IK: variants seen among roughly 807,000 people sequenced by gnomAD.
IK encodes the protein IK cytokine, also known as protein Red.
A neutral mutation model predicts 90.9 loss-of-function variants in IK; 47 were observed. The observed-to-expected ratio is 0.52, with a 90% CI of 0.41 to 0.66. IK has a LOEUF of 0.66. Ranked by LOEUF, IK falls within the 30% of genes least tolerant of loss-of-function variation. The pLI, the probability that IK is intolerant of heterozygous loss-of-function variation, is 0.00. For synonymous variants in IK, 201 were observed against 227.5 expected (o/e 0.88, Z 1.05); for missense variants, 385 against 709.3 (o/e 0.54, Z 5.19).
chr5:140,659,749 C>G lies in IK; in HGVS notation c.1196-7C>G, dbSNP rs1266642706. The G allele has an allele frequency of 1.9e-6, 3 of 1,579,444 alleles. No homozygotes were observed. Among genetic ancestry groups the G allele is most frequent in the Non-Finnish European group, 1.7e-6 (2 of 1,159,560 alleles). On this transcript the variant is annotated splice_region_variant and splice_polypyrimidine_tract_variant and intron_variant, in intron 13 of 19. Coordinates refer to ENST00000417647, the MANE Select transcript of IK (RefSeq NM_006083.4). The stretch of plus-strand genomic sequence containing the variant: ...CAAGGTCTGGGCTGAGTTCTCTTTT[C>G]TCCTAGGACCTGGGTCTACCAAGGA...
chr5:140,662,479 T>A lies in IK; in HGVS notation c.*150T>A. 1.2e-6 allele frequency: 1 copy of A among 819,146 alleles called. No individual in the cohort carries two copies. The highest frequency in any genetic ancestry group is 2.6e-5 in the East Asian group (1 of 38,634). The allele number at this position is 819,146 out of a possible 1,614,324, so 50.7% of individuals were successfully genotyped here. A position where few individuals can be genotyped will look rare whatever the true frequency, so the allele number is the denominator to read the frequency against. On this transcript the variant is annotated 3_prime_UTR_variant, in exon 20 of 20. Coordinates refer to ENST00000417647, the MANE Select transcript of IK (RefSeq NM_006083.4). Reference sequence around the variant, plus strand: ...GTTCCATTAAAATTGGTTAACTTGCTATTTTCTTTGTTGAGCATGTCCCCT... The same window carrying A: ...GTTCCATTAAAATTGGTTAACTTGCAATTTTCTTTGTTGAGCATGTCCCCT...
At chr5:140,655,237 G>A (rs951923714) in intron 8 of IK, among the ~76,000 whole-genome samples, 1 of 152,134 alleles carries the variant, frequency 6.6e-6, no homozygotes, top group African/African-American at 2.4e-5. Flanking sequence ...AAGTAACATG[G>A]TTAGTGATTA....
chr5:140,652,826 C>T (rs140468128), intron 4 of IK, 151 bp from the exon 5 acceptor site: 19 of 652,002 alleles, frequency 2.9e-5, no homozygotes, highest in East Asian at 1.9e-4. Context: ...TGAGTAACTA[C>T]GAAGAGGTGG....
chr5:140,655,202 C>T (rs939096217), intron 8 of IK, among the ~76,000 whole-genome samples: 16 of 152,072 alleles, frequency 1.1e-4, no homozygotes, highest in African/African-American at 3.1e-4. Flanking sequence ...AAAGATTTTT[C>T]AGTTTGGGGC....
Position 140,661,140 on chromosome 5 carries a change from A to C in IK, c.1413+325A>C. 3.1e-6 allele frequency: 1 copy of C among 322,338 alleles called. No individual in the cohort carries two copies. 20.0% of individuals were successfully genotyped at this position (322,338 alleles called of 1,614,324 possible). ...AATTGCAGTCTTTGGAAAATAACTA[A>C]ATTTTATTCTAGCCAGGATTGAAGT... On this transcript the variant is annotated intron_variant, in intron 16 of 19. Coordinates refer to ENST00000417647, the MANE Select transcript of IK (RefSeq NM_006083.4). This position sits in a 1 kb window ranked among gnomAD's most constrained non-coding sequence, Gnocchi z 4.2.
At chr5:140,653,807 A>G (rs1388372881) in intron 5 of IK, 131 bp from the exon 6 acceptor site, 34 of 585,814 alleles carry the variant, frequency 5.8e-5, no homozygotes, top group Non-Finnish European at 9.3e-5. Flanking sequence ...GTTTCACCAT[A>G]TCCACCAGGC....
At chr5:140,657,087 C>T (rs954598798) in intron 9 of IK, among the ~76,000 whole-genome samples, 6 of 152,154 alleles carry the variant, frequency 3.9e-5, no homozygotes, top group Non-Finnish European at 2.9e-5. Context: ...CCCGTAATCC[C>T]AGTTACTCGG....
intron 2 of IK, among the ~76,000 whole-genome samples, chr5:140,650,812 C>T (rs769272507): frequency 6.6e-6 from 1 of 152,088 alleles, no homozygotes; most frequent in Non-Finnish European, 1.5e-5. Flanking sequence ...CTCCTGACCT[C>T]GGGTGATCCG....
chr5:140,656,106 C>T lies in IK; in HGVS notation c.801+114C>T, dbSNP rs1757704811. 10 of 898,270 alleles carry T rather than the reference C, an allele frequency of 1.1e-5. No individual in the cohort carries two copies. In the South Asian group the frequency reaches 1.4e-4, roughly 12 times the overall value. The allele number at this position is 898,270 out of a possible 1,614,324, so 55.6% of individuals were successfully genotyped here. A position where few individuals can be genotyped will look rare whatever the true frequency, so the allele number is the denominator to read the frequency against. On this transcript the variant is annotated intron_variant, in intron 9 of 19. Coordinates refer to ENST00000417647, the MANE Select transcript of IK (RefSeq NM_006083.4). ...GTCACCAAGTGCTGTTCACTTTTAC[C>T]TCCTAAATCTCAACTGAATCCATTC...
chr5:140,652,894 G>A (rs1474742333), intron 4 of IK, 83 bp from the exon 5 acceptor site: 5 of 1,305,922 alleles, frequency 3.8e-6, no homozygotes, highest in African/African-American at 2.9e-5. Context: ...GGTTGGAGAT[G>A]TAGGGAAGCA....
At position 140,661,106 on chromosome 5, in the gene IK, G is replaced by T; in HGVS notation, c.1413+291G>T. The T allele has an allele frequency of 2.7e-6, 1 of 372,584 alleles. No homozygotes were observed. The highest frequency in any genetic ancestry group is 2.1e-5 in the African/African-American group (1 of 48,034). The allele number at this position is 372,584 out of a possible 1,614,324, so 23.1% of individuals were successfully genotyped here. A position where few individuals can be genotyped will look rare whatever the true frequency, so the allele number is the denominator to read the frequency against. On this transcript the variant is annotated intron_variant, in intron 16 of 19. Transcript: ENST00000417647. The surrounding 1 kb of genome is among the most constrained non-coding windows in gnomAD (Gnocchi z 4.2). Reference sequence around the variant, plus strand: ...CAAGCATCAATGCATAAGTAGAAAGGGCAGAAAAAATTGCAGTCTTTGGAA... The same window carrying T: ...CAAGCATCAATGCATAAGTAGAAAGTGCAGAAAAAATTGCAGTCTTTGGAA...
chr5:140,659,270 A>G, intron 12 of IK, 45 bp from the exon 13 acceptor site: 1 of 1,613,352 alleles, frequency 6.2e-7, no homozygotes, highest in South Asian at 1.1e-5. Flanking sequence ...GATGAGTAGG[A>G]ATCTCTCATG....
chr5:140,654,486 G>A, intron 6 of IK, 30 bp from the exon 7 acceptor site: 1 of 1,539,262 alleles, frequency 6.5e-7, no homozygotes, highest in Non-Finnish European at 8.8e-7. Flanking sequence ...TATAAAATGA[G>A]TGTCCTAACC....
intron 8 of IK, 140 bp from the exon 9 acceptor site, chr5:140,655,689 C>T (rs749691027): frequency 1.1e-4 from 82 of 728,094 alleles, no homozygotes; most frequent in Non-Finnish European, 1.4e-4. Flanking sequence ...ATAATAATAT[C>T]CACTTCATAG....
rs367708075 is a variant in IK, at chr5:140,660,721, G to A, written c.1356-37G>A. ...GTTTCCAGATGAAGCATAGGGTCAG[G>A]GTATGCAACATCTGTTTAACTCTTG... On this transcript the variant is annotated intron_variant, in intron 15 of 19. Coordinates refer to ENST00000417647, the MANE Select transcript of IK (RefSeq NM_006083.4). 367 of 1,540,324 alleles carry A rather than the reference G, an allele frequency of 2.4e-4. 1 individual carries two copies. Among genetic ancestry groups the A allele is most frequent in the Non-Finnish European group, 3.0e-4 (335 of 1,113,054 alleles).
At position 140,655,867 on chromosome 5, in the gene IK, T is replaced by C. The variant is rs2149806942; in HGVS notation, c.676T>C (p.Tyr226His). The C allele has an allele frequency of 6.2e-7, 1 of 1,609,584 alleles. No homozygotes were observed. Among genetic ancestry groups the C allele is most frequent in the Admixed American group, 1.7e-5 (1 of 59,436 alleles). Residue 226 changes from tyrosine to histidine, a missense_variant, in exon 9 of 20, where the codon TAT (tyrosine) becomes CAT (histidine). Tyr to His is a moderately conservative substitution (Grantham distance 83). This residue lies in a region of IK where 46 missense variants were observed against 50.0 expected (regional missense o/e 0.92). Coordinates refer to ENST00000417647, the MANE Select transcript of IK (RefSeq NM_006083.4). ...VYRMLFKSKA[Y>H]ERNELFLPGR... ...CCGAATGCTTTTTAAGAGCAAAGCA[T>C]ATGAGCGGAATGAGTTGTTCCTGCC... is the stretch of plus-strand genomic sequence containing the variant.
intron 2 of IK, among the ~76,000 whole-genome samples, chr5:140,649,945 A>C (rs1252974843): frequency 6.6e-6 from 1 of 152,198 alleles, no homozygotes; most frequent in Non-Finnish European, 1.5e-5. Flanking sequence ...TGTATATATC[A>C]TTTTTGCAAC....
rs117047121 is a variant in IK at position 140,653,927 on chromosome 5, T to C, written c.405-11T>C. The C allele has an allele frequency of 3.2e-4, 500 of 1,574,164 alleles. 2 individuals carry two copies. In the East Asian group the frequency reaches 0.01, roughly 33 times the overall value. ...CAGTACTGTTCTTATGTGGCCTCTT[T>C]CATTATACAGGGACAAATCAGCTGC... is the stretch of plus-strand genomic sequence containing the variant. On this transcript the variant is annotated splice_polypyrimidine_tract_variant and intron_variant, in intron 5 of 19. Coordinates refer to ENST00000417647, the MANE Select transcript of IK (RefSeq NM_006083.4).
intron 2 of IK, 119 bp from the exon 3 acceptor site, chr5:140,651,595 C>A (rs934500715): frequency 3.3e-6 from 2 of 600,676 alleles, no homozygotes; most frequent in African/African-American, 1.9e-5. Flanking sequence ...AAAACAGTGT[C>A]ATATCTTTGT....
Sources: allele counts gnomAD v4.1 joint callset (sites outside exome capture counted in the v4.1 genomes callset), GRCh38; gene constraint gnomAD v4.1.1; regional missense constraint gnomAD v4.1.1; non-coding constraint Gnocchi (gnomAD v3.1); transcripts MANE v1.5; gene names NCBI Gene and HGNC (gene_info 2026-07-23, HGNC 2026-07-21).